HIKESHI: variants seen among roughly 807,000 people sequenced by gnomAD.
HIKESHI encodes heat shock protein nuclear import factor hikeshi.
Under a neutral mutation model 25.7 loss-of-function variants are expected in HIKESHI, and 13 were observed. The ratio of observed to expected loss-of-function variants is 0.51; its 90% CI spans 0.33 to 0.80. The LOEUF (loss-of-function observed/expected upper bound fraction) is 0.80. HIKESHI is among the 30% of genes least tolerant of loss of function. The pLI is 0.02. For missense variants in HIKESHI, 174 were observed against 229.5 expected (o/e 0.76, Z 1.56); for synonymous variants, 76 against 78.7 (o/e 0.97, Z 0.18).
At chr11:86,302,962 A>G (rs983097649) in intron 1 of HIKESHI, among the ~76,000 whole-genome samples, 4 of 152,180 alleles carry the variant, frequency 2.6e-5, no homozygotes, top group African/African-American at 4.8e-5. Flanking sequence ...CAGGGAATGT[A>G]TATCTTTTGG....
intron 1 of HIKESHI, among the ~76,000 whole-genome samples, chr11:86,305,068 C>T (rs992921915): frequency 1.9e-4 from 29 of 152,294 alleles, no homozygotes; most frequent in African/African-American, 4.1e-4. Context: ...GGCGGGACCT[C>T]GGCTTGCTGC....
chr11:86,335,351 G>A (rs1275592568), intron 2 of HIKESHI, among the ~76,000 whole-genome samples: 2 of 152,184 alleles, frequency 1.3e-5, no homozygotes. Flanking sequence ...AAAACAGTTG[G>A]AGTAAACCAA....
chr11:86,336,795 A>G (rs989500448), intron 2 of HIKESHI, among the ~76,000 whole-genome samples: 5 of 152,210 alleles, frequency 3.3e-5, no homozygotes, highest in Non-Finnish European at 7.3e-5. Flanking sequence ...TCAAACTGTC[A>G]AAAGGTAAAG....
At chr11:86,303,402 A>G in intron 1 of HIKESHI, 2 of 984,130 alleles carry the variant, frequency 2.0e-6, no homozygotes, top group Non-Finnish European at 2.4e-6. Context: ...AGCCTCATAA[A>G]GTTTGTCTCT....
At chr11:86,334,272 G>GTGTT (rs1212359801) in intron 2 of HIKESHI, among the ~76,000 whole-genome samples, 2 of 148,574 alleles carry the variant, frequency 1.3e-5, no homozygotes, top group African/African-American at 5.1e-5. Context: ...GTGTGTGTGT[G>GTGTT]TAAAGTTTCC....
chr11:86,328,586 G>C (rs1947343468), intron 2 of HIKESHI, among the ~76,000 whole-genome samples: 1 of 152,080 alleles, frequency 6.6e-6, no homozygotes, highest in Non-Finnish European at 1.5e-5. Flanking sequence ...TGGGATTACA[G>C]GTAACTGCCA....
At chr11:86,305,533 C>T (rs1380138886) in intron 1 of HIKESHI, among the ~76,000 whole-genome samples, 1 of 151,800 alleles carries the variant, frequency 6.6e-6, no homozygotes, top group Non-Finnish European at 1.5e-5. Context: ...ATTACAGGCA[C>T]GTGCCACCAC....
At chr11:86,342,022 TCTCA>T (rs1356811722) in intron 3 of HIKESHI, among the ~76,000 whole-genome samples, 24 of 152,138 alleles carry the variant, frequency 1.6e-4, no homozygotes, top group African/African-American at 5.8e-4. Flanking sequence ...TTTCATATGT[TCTCA>T]CTAACATTTA....
At chr11:86,314,547 G>A (rs570690257) in intron 2 of HIKESHI, among the ~76,000 whole-genome samples, 2 of 152,206 alleles carry the variant, frequency 1.3e-5, no homozygotes, top group East Asian at 3.9e-4. Flanking sequence ...CCCAGGAGGT[G>A]GAGATTGCAG....
At chr11:86,307,888 T>TATATTATGTGTA (rs1946694839) in intron 2 of HIKESHI, among the ~76,000 whole-genome samples, 3 of 122,768 alleles carry the variant, frequency 2.4e-5, no homozygotes, top group Non-Finnish European at 4.7e-5. Context: ...TTATGTGTAA[T>TATATTATGTGTA]ATACAATATA....
At chr11:86,325,913 T>C (rs7114910) in intron 2 of HIKESHI, among the ~76,000 whole-genome samples, 9,032 of 149,652 alleles carry the variant, frequency 0.06, 324 homozygotes, top group Middle Eastern at 0.12. Flanking sequence ...TAAGGTTTGG[T>C]AGTTGGAAAA....
intron 2 of HIKESHI, among the ~76,000 whole-genome samples, chr11:86,328,744 A>G (rs1373639470): frequency 6.6e-6 from 1 of 151,546 alleles, no homozygotes; most frequent in East Asian, 1.9e-4. Flanking sequence ...GCCTGACCCT[A>G]TTTTGTATTT....
intron 2 of HIKESHI, among the ~76,000 whole-genome samples, chr11:86,312,676 G>A (rs554471670): frequency 3.3e-5 from 5 of 152,240 alleles, no homozygotes; most frequent in East Asian, 1.9e-4. Context: ...CAATTTCCAT[G>A]TTTTTGCAGT....
intron 2 of HIKESHI, among the ~76,000 whole-genome samples, chr11:86,311,828 G>T (rs291203): frequency 2.6e-5 from 4 of 152,026 alleles, no homozygotes; most frequent in Non-Finnish European, 5.9e-5. Flanking sequence ...CCCAGTAGTC[G>T]TTCAGGAGCA....
At chr11:86,305,944 T>G (rs1195151383) in intron 1 of HIKESHI, among the ~76,000 whole-genome samples, 9 of 152,126 alleles carry the variant, frequency 5.9e-5, no homozygotes, top group Admixed American at 5.9e-4. Flanking sequence ...GGTTTTGCCA[T>G]GTTGGCCAAG....
intron 3 of HIKESHI, 128 bp downstream of exon 3, chr11:86,337,658 G>C: frequency 1.8e-6 from 2 of 1,107,094 alleles, no homozygotes; most frequent in Non-Finnish European, 2.5e-6. Context: ...ATTTTGTTTT[G>C]TTTTATTTTG....
rs1047609195 is a variant in HIKESHI at position 86,302,362 on chromosome 11, G to T, written c.-87G>T. 56 of 1,512,032 alleles carry T rather than the reference G, an allele frequency of 3.7e-5. No homozygotes were observed. Among genetic ancestry groups the T allele is most frequent in the Non-Finnish European group, 4.8e-5 (54 of 1,114,934 alleles). 93.7% of individuals were successfully genotyped at this position (1,512,032 alleles called of 1,614,324 possible). A position where few individuals can be genotyped will look rare whatever the true frequency, so the allele number is the denominator to read the frequency against. ...AGACACCCTCCCGCAAATTCTGGAA[G>T]GTTCTTAGTCTCGACTAGGGCAGTA... is the stretch of plus-strand genomic sequence containing the variant. On this transcript the variant is annotated 5_prime_UTR_variant, in exon 1 of 5. In the 5' UTR this introduces an upstream ATG that the reference lacks. Transcript: ENST00000278483.
intron 2 of HIKESHI, among the ~76,000 whole-genome samples, chr11:86,321,234 G>A (rs1231524063): frequency 6.6e-6 from 1 of 151,782 alleles, no homozygotes; most frequent in African/African-American, 2.4e-5. Flanking sequence ...TGCCTGGCCC[G>A]TTTTTTTCAC....
intron 2 of HIKESHI, among the ~76,000 whole-genome samples, chr11:86,323,054 C>T (rs1245905255): frequency 1.3e-5 from 2 of 151,942 alleles, no homozygotes; most frequent in South Asian, 2.1e-4. Flanking sequence ...CGTAGCAAAA[C>T]CCATCTCTAC....
Sources: allele counts gnomAD v4.1 joint callset (sites outside exome capture counted in the v4.1 genomes callset), GRCh38; gene constraint gnomAD v4.1.1; transcripts MANE v1.5; gene names NCBI Gene and HGNC (gene_info 2026-07-23, HGNC 2026-07-21).